The following SEC22C variants were observed in gnomAD, a reference collection of about 807,000 sequenced individuals.
The protein encoded by SEC22C is SEC22 homolog C, vesicle trafficking protein, also known as vesicle-trafficking protein SEC22c.
In SEC22C, 29 loss-of-function variants were observed where a neutral mutation model predicts 34.7. The ratio of observed to expected loss-of-function variants is 0.84; its 90% confidence interval spans 0.62 to 1.14. SEC22C has a LOEUF of 1.14. Among genes scored for constraint, SEC22C ranks in the 50% most tolerant of loss-of-function variants. The pLI, the probability that SEC22C is intolerant of heterozygous loss-of-function variation, is 0.00. For synonymous variants in SEC22C, 117 were observed against 132.8 expected (o/e 0.88, Z 0.82); for missense variants, 337 against 369.0 (o/e 0.91, Z 0.71).
At chr3:42,578,858 G>C (rs920802415) in intron 1 of SEC22C, among the ~76,000 whole-genome samples, 1 of 152,118 alleles carries the variant, frequency 6.6e-6, no homozygotes, top group Non-Finnish European at 1.5e-5. Context: ...TTTTATGCAT[G>C]AACACTGAAG....
Position 42,563,575 on chromosome 3 carries a change from A to T in SEC22C, c.294T>A (p.Tyr98Ter). 6.2e-7 allele frequency: 1 copy of T among 1,614,224 alleles called. No individual in the cohort carries two copies. The highest frequency in any genetic ancestry group is 8.5e-7 in the Non-Finnish European group (1 of 1,180,006). ...ETLWWEFTAS[Y>*]DTTCIGLASR... ...AGGCTAGGCCAATGCAGGTAGTGTCATAGGAAGCTGTGAATTCCCACCACA... is the reference window on the plus strand; with the variant it reads ...AGGCTAGGCCAATGCAGGTAGTGTCTTAGGAAGCTGTGAATTCCCACCACA... Residue 98 changes from tyrosine to a stop codon, truncating the protein, a stop_gained, in exon 3 of 7, where the codon TAT becomes TAA. Transcript: ENST00000264454. LOFTEE classifies it high-confidence loss of function.
At chr3:42,574,167 A>T (rs1209466882) in intron 1 of SEC22C, among the ~76,000 whole-genome samples, 1 of 152,138 alleles carries the variant, frequency 6.6e-6, no homozygotes, top group East Asian at 1.9e-4. Flanking sequence ...AATTTCTCAT[A>T]GAAAACATGG....
rs1319726041 is a variant in SEC22C, at chr3:42,555,950, A to G, written c.691T>C (p.Phe231Leu). The change falls in exon 6 of 7, where the codon TTC (phenylalanine) becomes CTC (leucine). Residue 231 changes from phenylalanine (F) to leucine (L), a missense_variant. By Grantham distance (22) the Phe-to-Leu change is conservative. Transcript: ENST00000264454. ...IGNILAFLVP[F>L]VACIFQCYLY... ...CCCACCTGGAAAATGCAGGCTACGA[A>G]AGGAACAAGAAAAGCCAGAATGTTT... 6.2e-7 allele frequency: 1 copy of G among 1,613,922 alleles called. No homozygotes were observed. The highest frequency in any genetic ancestry group is 1.7e-5 in the Admixed American group (1 of 59,988).
chr3:42,564,463 G>C (rs991765080), intron 2 of SEC22C: 1 of 153,582 alleles, frequency 6.5e-6, no homozygotes, highest in African/African-American at 2.4e-5. Flanking sequence ...CTTCCAGTGT[G>C]GTTCTGCATT....
intron 5 of SEC22C, among the ~76,000 whole-genome samples, chr3:42,557,002 G>A (rs1702570079): frequency 6.6e-6 from 1 of 152,144 alleles, no homozygotes; most frequent in African/African-American, 2.4e-5. Flanking sequence ...GGAATTACAG[G>A]AGTGAGTCAC....
intron 1 of SEC22C, 122 bp downstream of exon 1, chr3:42,581,723 CG>C (rs1394148294): frequency 6.6e-6 from 1 of 152,506 alleles, no homozygotes; most frequent in Admixed American, 6.5e-5. Context: ...TGGTCAAGGC[CG>C]GGACTGAGGG....
Position 42,549,307 on chromosome 3 carries a change from C to G in SEC22C, c.*3941G>C. ...ACTTGTGCTGCACTATGCAAGCAAG[C>G]AGCAGGTTCTCAGAAGGCCACTGTC... On this transcript the variant is annotated 3_prime_UTR_variant, in exon 7 of 7. Coordinates refer to ENST00000264454, the MANE Select transcript of SEC22C (RefSeq NM_032970.4). 2 of 985,692 alleles carry G rather than the reference C, an allele frequency of 2.0e-6. No homozygotes were observed. The highest frequency in any genetic ancestry group is 2.4e-6 in the Non-Finnish European group (2 of 830,118). 61.1% of individuals were successfully genotyped at this position (985,692 alleles called of 1,614,324 possible).
chr3:42,548,747 C>T lies in SEC22C; in HGVS notation c.*4501G>A. 3 of 1,595,894 alleles carry T rather than the reference C, an allele frequency of 1.9e-6. No individual in the cohort carries two copies. The highest frequency in any genetic ancestry group is 2.6e-6 in the Non-Finnish European group (3 of 1,169,182). On this transcript the variant is annotated 3_prime_UTR_variant, in exon 7 of 7. Coordinates refer to ENST00000264454, the MANE Select transcript of SEC22C (RefSeq NM_032970.4). ...GGGTGGGAAGAAGAGGGGCTGCTACCTTTTGGAGTGAAAAAAATGAGGTTT... is the reference window on the plus strand; with the variant it reads ...GGGTGGGAAGAAGAGGGGCTGCTACTTTTTGGAGTGAAAAAAATGAGGTTT...
rs1246438135 is a variant in SEC22C, at chr3:42,550,938, G to A, written c.*2310C>T. On this transcript the variant is annotated 3_prime_UTR_variant, in exon 7 of 7. Coordinates refer to ENST00000264454, the MANE Select transcript of SEC22C (RefSeq NM_032970.4). ...GGCTGGAGTGCAGTGGCTCGATCTC[G>A]GCTCACTGCAACCTCCACCTCCCGG... 3.6e-5 allele frequency: 30 copies of A among 827,204 alleles called. No individual in the cohort carries two copies. Among genetic ancestry groups the A allele is most frequent in the Non-Finnish European group, 4.1e-5 (28 of 690,164 alleles). The allele number at this position is 827,204 out of a possible 1,614,324, so 51.2% of individuals were successfully genotyped here.
intron 3 of SEC22C, among the ~76,000 whole-genome samples, chr3:42,561,887 C>A (rs567143258): frequency 6.6e-6 from 1 of 152,096 alleles, no homozygotes; most frequent in South Asian, 2.1e-4. Context: ...AAGGGGCATG[C>A]GTCTTAGCCC....
chr3:42,559,671 G>C (rs1258909298), intron 4 of SEC22C, among the ~76,000 whole-genome samples: 1 of 152,158 alleles, frequency 6.6e-6, no homozygotes, highest in Non-Finnish European at 1.5e-5. Flanking sequence ...AAGTAATTAA[G>C]ACTATTATAG....
At chr3:42,555,345 T>C (rs1702470232) in intron 6 of SEC22C, among the ~76,000 whole-genome samples, 1 of 108,466 alleles carries the variant, frequency 9.2e-6, no homozygotes, top group African/African-American at 4.3e-5. Flanking sequence ...AGACTCCGTC[T>C]CAAAAAAAAA....
At chr3:42,586,221 C>T (rs976670777), upstream of SEC22C, among the ~76,000 whole-genome samples, 3 of 152,126 alleles carry the variant, frequency 2.0e-5, no homozygotes, top group South Asian at 6.2e-4. Context: ...TTTATTCTTC[C>T]TTGTTCTTTT....
exon 1 of SEC22C, chr3:42,600,991 C>G (rs780186182): frequency 3.2e-6 from 5 of 1,555,286 alleles, no homozygotes; most frequent in Non-Finnish European, 3.5e-6. Context: ...CAGCTCTTGC[C>G]GCCACCTCGG....
chr3:42,568,089 A>C (rs1703367895), intron 2 of SEC22C, among the ~76,000 whole-genome samples: 1 of 152,100 alleles, frequency 6.6e-6, no homozygotes, highest in Non-Finnish European at 1.5e-5. Context: ...AAATAAATAA[A>C]AATTAAAAAG....
chr3:42,580,073 C>T (rs1704219859), intron 1 of SEC22C, among the ~76,000 whole-genome samples: 1 of 152,118 alleles, frequency 6.6e-6, no homozygotes, highest in South Asian at 2.1e-4. Flanking sequence ...AATCTTCTTC[C>T]CAGCATCTGT....
intron 1 of SEC22C, among the ~76,000 whole-genome samples, chr3:42,575,573 T>C (rs942855974): frequency 2.0e-5 from 3 of 152,286 alleles, no homozygotes; most frequent in African/African-American, 7.2e-5. Context: ...TAAGAAGGCA[T>C]AATAATCCTG....
chr3:42,574,866 T>G (rs1703869443), intron 1 of SEC22C, among the ~76,000 whole-genome samples: 1 of 152,222 alleles, frequency 6.6e-6, no homozygotes, highest in South Asian at 2.1e-4. Flanking sequence ...TCACCCAGTC[T>G]GGAACGCAGT....
chr3:42,562,267 A>C (rs1453934953), intron 3 of SEC22C, among the ~76,000 whole-genome samples: 1 of 152,242 alleles, frequency 6.6e-6, no homozygotes, highest in Non-Finnish European at 1.5e-5. Flanking sequence ...ACATGGCTTT[A>C]GAAGGAAGGC....
Sources: gnomAD v4.1 joint callset for allele counts (sites outside exome capture counted in the v4.1 genomes callset) on GRCh38, gnomAD v4.1.1 for gene constraint, MANE v1.5 for transcripts, NCBI Gene and HGNC (gene_info 2026-07-23, HGNC 2026-07-21) for gene names.